The following ABHD2 variants were observed in gnomAD, a reference collection of about 807,000 sequenced individuals.
ABHD2 encodes abhydrolase domain containing 2, acylglycerol lipase.
In ABHD2, 20 loss-of-function variants were observed where a neutral mutation model predicts 48.1. The ratio of observed to expected loss-of-function variants is 0.42; its 90% confidence interval spans 0.29 to 0.60. The LOEUF is 0.60. Ranked by LOEUF, ABHD2 falls within the 20% of genes least tolerant of loss-of-function variation. ABHD2 has a pLI of 0.24. For synonymous variants in ABHD2, 209 were observed against 214.2 expected, an observed-to-expected ratio of 0.98 and a Z score of 0.21; for missense variants, 405 against 550.9, an observed-to-expected ratio of 0.74 and a Z score of 2.65.
chr15:89,127,160 A>G (rs1457853933), intron 3 of ABHD2, among the ~76,000 whole-genome samples: 4 of 149,952 alleles, frequency 2.7e-5, no homozygotes, highest in Middle Eastern at 3.5e-3. Flanking sequence ...GCAGTGTAGT[A>G]TCACGGTGAG....
chr15:89,157,514 C>T (rs891202707), intron 5 of ABHD2, among the ~76,000 whole-genome samples: 2 of 152,136 alleles, frequency 1.3e-5, no homozygotes, highest in Non-Finnish European at 2.9e-5. Flanking sequence ...TTACAGACTC[C>T]GTTCTGTTCA....
At chr15:89,118,943 C>T (rs986440354) in intron 3 of ABHD2, among the ~76,000 whole-genome samples, 5 of 152,188 alleles carry the variant, frequency 3.3e-5, no homozygotes, top group African/African-American at 1.2e-4. Context: ...CACCCACCTC[C>T]TCCTATGGAA....
intron 1 of ABHD2, among the ~76,000 whole-genome samples, chr15:89,107,468 A>C (rs938009044): frequency 2.0e-5 from 3 of 152,126 alleles, no homozygotes; most frequent in Admixed American, 6.5e-5. Flanking sequence ...CTATCTGTCA[A>C]CTTAGGTTGT....
chr15:89,180,128 AAG>A (rs1028153485), intron 6 of ABHD2, among the ~76,000 whole-genome samples: 2 of 152,212 alleles, frequency 1.3e-5, no homozygotes, highest in Non-Finnish European at 2.9e-5. Flanking sequence ...CAGCCAAACA[AAG>A]AGGGGGAAAC....
chr15:89,184,520 G>A lies in ABHD2; in HGVS notation c.723-904G>A, dbSNP rs185568637. 9.3e-4 allele frequency among the ~76,000 whole-genome samples: 142 copies of A among 152,268 alleles called. No homozygotes were observed. Among genetic ancestry groups the A allele is most frequent in the African/African-American group, 3.3e-3 (138 of 41,548 alleles). Reference sequence around the variant, plus strand: ...AGTGTCCGCCTGCGTTTGGATTCACGCCCAAGGGAGGAGAGCAGTGAGTGG... The same window carrying A: ...AGTGTCCGCCTGCGTTTGGATTCACACCCAAGGGAGGAGAGCAGTGAGTGG... On this transcript the variant is annotated intron_variant, in intron 6 of 10. Coordinates refer to ENST00000352732, the MANE Select transcript of ABHD2 (RefSeq NM_152924.5). The surrounding 1 kb of genome is among the most constrained non-coding windows in gnomAD (Gnocchi z 5.1).
At position 89,197,545 on chromosome 15, in the gene ABHD2, C is replaced by T. The variant is rs1012309649; in HGVS notation, c.*2122C>T. 3.9e-5 allele frequency: 6 copies of T among 152,248 alleles called. No homozygotes were observed. The highest frequency in any genetic ancestry group is 1.4e-4 in the African/African-American group (6 of 41,446). The allele number at this position is 152,248 out of a possible 1,614,324, so 9.4% of individuals were successfully genotyped here. A position where few individuals can be genotyped will look rare whatever the true frequency, so the allele number is the denominator to read the frequency against. Reference sequence around the variant, plus strand: ...GCAATAACTTCCTAGGACTGAATCACCACCCCAGAAGAGCGAGAGGCTCCT... The same window carrying T: ...GCAATAACTTCCTAGGACTGAATCATCACCCCAGAAGAGCGAGAGGCTCCT... On this transcript the variant is annotated 3_prime_UTR_variant, in exon 11 of 11. Transcript: ENST00000352732. The surrounding 1 kb of genome is among the most constrained non-coding windows in gnomAD (Gnocchi z 4.4).
In ABHD2 at chr15:89,187,965, A is replaced by G. The variant is rs776766055; in HGVS notation, c.816-228A>G. On this transcript the variant is annotated intron_variant, in intron 7 of 10. Transcript: ENST00000352732. The stretch of plus-strand genomic sequence containing the variant: ...GCTGAAGGTTTTTTAATATTCAACT[A>G]GGTTCAAACCCAATCTTTAGTTTGT... 4.4e-4 allele frequency among the ~76,000 whole-genome samples: 67 copies of G among 152,196 alleles called. 2 individuals carry two copies. Among genetic ancestry groups the G allele is most frequent in the Non-Finnish European group, 8.8e-5 (6 of 68,034 alleles).
intron 1 of ABHD2, among the ~76,000 whole-genome samples, chr15:89,095,230 ACTCAAGGAGAGGTTC>A (rs1324938908): frequency 6.6e-6 from 1 of 152,166 alleles, no homozygotes; most frequent in Non-Finnish European, 1.5e-5. Flanking sequence ...CGAGGATTCT[ACTCAAGGAGAGGTTC>A]CTCTTTTGCA....
At position 89,173,122 on chromosome 15, in the gene ABHD2, A is replaced by G. The variant is rs1463187594; in HGVS notation, c.539-2690A>G. The stretch of plus-strand genomic sequence containing the variant: ...CAAATGTCTCCTTTGGGATTTCTAA[A>G]TTTTTTATTTGTTGCGTGGTGTAGA... On this transcript the variant is annotated intron_variant, in intron 5 of 10. Transcript: ENST00000352732. The surrounding 1 kb of genome is among the most constrained non-coding windows in gnomAD (Gnocchi z 6.5). 2.6e-5 allele frequency among the ~76,000 whole-genome samples: 4 copies of G among 152,158 alleles called. No homozygotes were observed. The highest frequency in any genetic ancestry group is 9.7e-5 in the African/African-American group (4 of 41,420).
chr15:89,085,608 G>C (rs1901335008), upstream of ABHD2, among the ~76,000 whole-genome samples: 2 of 152,104 alleles, frequency 1.3e-5, no homozygotes, highest in Non-Finnish European at 2.9e-5. The surrounding 1 kb of genome is among the most constrained non-coding windows in gnomAD (Gnocchi z 4.2). Context: ...GCCTCTTTTT[G>C]AGCCTCTGTG....
the ABHD2 span, among the ~76,000 whole-genome samples, chr15:89,064,630 C>T: frequency 2.6e-5 from 4 of 152,118 alleles, no homozygotes; most frequent in African/African-American, 9.6e-5. Context: ...TTCATGTCAA[C>T]AAAGTAAAAT....
At chr15:89,191,244 T>C in intron 9 of ABHD2, 95 bp downstream of exon 9, 1 of 1,268,754 alleles carries the variant, frequency 7.9e-7, no homozygotes, top group South Asian at 1.3e-5. Context: ...TGGTGGAAGC[T>C]CAGCTGGAAT....
At chr15:89,130,798 T>C (rs1259461623) in intron 3 of ABHD2, among the ~76,000 whole-genome samples, 1 of 152,226 alleles carries the variant, frequency 6.6e-6, no homozygotes, top group Admixed American at 6.5e-5. Flanking sequence ...TTAGTGTTAG[T>C]GTATTTTATG....
At chr15:89,153,929 C>G (rs1271556013) in intron 4 of ABHD2, among the ~76,000 whole-genome samples, 2 of 152,136 alleles carry the variant, frequency 1.3e-5, no homozygotes, top group African/African-American at 2.4e-5. Context: ...GCTTAATATT[C>G]TACAATGTGG....
rs2051428141 is a variant in ABHD2 at position 89,197,670 on chromosome 15, C to A, written c.*2247C>A. 1 of 152,258 alleles carries A rather than the reference C, an allele frequency of 6.6e-6. No homozygotes were observed. Among genetic ancestry groups the A allele is most frequent in the Non-Finnish European group, 1.5e-5 (1 of 68,140 alleles). 9.4% of individuals were successfully genotyped at this position (152,258 alleles called of 1,614,324 possible). On this transcript the variant is annotated 3_prime_UTR_variant, in exon 11 of 11. Transcript: ENST00000352732. The surrounding 1 kb of genome is among the most constrained non-coding windows in gnomAD (Gnocchi z 4.4). Reference sequence around the variant, plus strand: ...GAAATTCAGGAAGAGAAAAGACAGCCCTGTTGTCACACAAACCGGTGTGGG... The same window carrying A: ...GAAATTCAGGAAGAGAAAAGACAGCACTGTTGTCACACAAACCGGTGTGGG...
Position 89,188,641 on chromosome 15 carries a change from G to A in ABHD2, c.926+338G>A, listed in dbSNP as rs1372231631. On this transcript the variant is annotated intron_variant, in intron 8 of 10. Transcript: ENST00000352732. This position sits in a 1 kb window ranked among gnomAD's most constrained non-coding sequence, Gnocchi z 4.1. ...CTCAACACCAGGGCAAGTGTCAGGT[G>A]CCACATAAATCTGCATTTCGCAGTG... 6.6e-6 allele frequency among the ~76,000 whole-genome samples: 1 copy of A among 152,206 alleles called. No individual in the cohort carries two copies. The highest frequency in any genetic ancestry group is 1.5e-5 in the Non-Finnish European group (1 of 68,040).
chr15:89,133,597 A>AT (rs2050254316), intron 3 of ABHD2, among the ~76,000 whole-genome samples: 2 of 152,188 alleles, frequency 1.3e-5, no homozygotes, highest in Non-Finnish European at 1.5e-5. Flanking sequence ...TCTTTCTTTG[A>AT]TTAAAGAGAC....
At chr15:89,064,845 GCTAACAA>G in the ABHD2 span, among the ~76,000 whole-genome samples, 1 of 151,990 alleles carries the variant, frequency 6.6e-6, no homozygotes, top group African/African-American at 2.4e-5. Context: ...CTTCAAGAAT[GCTAACAA>G]AATGAACAGT....
intron 5 of ABHD2, among the ~76,000 whole-genome samples, chr15:89,157,704 G>A (rs1348142882): frequency 3.3e-5 from 5 of 152,112 alleles, no homozygotes; most frequent in South Asian, 2.1e-4. Flanking sequence ...GTAGCCGGGC[G>A]TGGTGGCGGG....
Sources: allele counts gnomAD v4.1 joint callset (sites outside exome capture counted in the v4.1 genomes callset), GRCh38; gene constraint gnomAD v4.1.1; non-coding constraint Gnocchi (gnomAD v3.1); transcripts MANE v1.5; gene names NCBI Gene and HGNC (gene_info 2026-07-23, HGNC 2026-07-21).